ANKFN1: variants seen among roughly 807,000 people sequenced by gnomAD.
ANKFN1 encodes the protein ankyrin repeat and fibronectin type-III domain-containing protein 1.
A neutral mutation model predicts 108.7 loss-of-function variants in ANKFN1; 74 were observed. The ratio of observed to expected loss-of-function variants is 0.68; its 90% CI spans 0.56 to 0.83. The LOEUF is 0.83. ANKFN1 is among the 40% of genes least tolerant of loss of function. ANKFN1 has a pLI of 0.00. For missense variants in ANKFN1, 1,505 were observed against 1,382.3 expected, an observed-to-expected ratio of 1.09 and a Z score of -1.41; for synonymous variants, 547 against 516.2, an observed-to-expected ratio of 1.06 and a Z score of -0.81.
At chr17:56,182,843 G>C (rs984039041) in intron 1 of ANKFN1, among the ~76,000 whole-genome samples, 1 of 152,164 alleles carries the variant, frequency 6.6e-6, no homozygotes, top group Non-Finnish European at 1.5e-5. Context: ...AATGCAGCTG[G>C]TGGTCAATGT....
At chr17:56,351,102 G>T in intron 5 of ANKFN1, 135 bp downstream of exon 5, 1 of 817,542 alleles carries the variant, frequency 1.2e-6, no homozygotes, top group South Asian at 1.8e-5. Context: ...ATAGATTCAG[G>T]TAGGGTAGTA....
rs57790353 is a variant in ANKFN1, at chr17:56,089,815, G to A, written c.288+43490G>A. On this transcript the variant is annotated intron_variant, in intron 4 of 12. Transcript: ENST00000635860. ...ACTGCAGCTTTGCTATTTACCAGCC[G>A]GGTCATCTCCAGCAGCAGCTCCCTG... Among the ~76,000 whole-genome samples, 2,129 of 151,282 alleles carry A rather than the reference G, an allele frequency of 0.014. 263 individuals carry two copies. The East Asian group carries it at 0.3, about 21-fold the overall frequency.
chr17:56,092,266 A>AC (rs1905433179), intron 4 of ANKFN1, among the ~76,000 whole-genome samples: 1 of 111,380 alleles, frequency 9.0e-6, no homozygotes, highest in Non-Finnish European at 1.8e-5. Context: ...GTGAGGTAGT[A>AC]TTTTTTTTTT....
intron 4 of ANKFN1, among the ~76,000 whole-genome samples, chr17:56,329,289 C>A (rs529102201): frequency 4.6e-5 from 7 of 152,204 alleles, no homozygotes; most frequent in African/African-American, 1.7e-4. Context: ...TTCATGGGGG[C>A]CCTCACTGGT....
At chr17:56,413,845 A>G (rs1261428128) in intron 8 of ANKFN1, among the ~76,000 whole-genome samples, 1 of 151,494 alleles carries the variant, frequency 6.6e-6, no homozygotes, top group Non-Finnish European at 1.5e-5. Context: ...TCAGCCTCCC[A>G]AGTAGCTGGG....
intron 3 of ANKFN1, among the ~76,000 whole-genome samples, chr17:56,264,814 A>G (rs1307376336): frequency 6.6e-6 from 1 of 152,130 alleles, no homozygotes; most frequent in Non-Finnish European, 1.5e-5. Context: ...ATTCCTTTCC[A>G]TGATTCGTAG....
chr17:56,326,352 A>C lies in ANKFN1; in HGVS notation c.185A>C (p.Asn62Thr). ...TCSSAASNSI[N>T]WNCRVKMTQQ... Reference sequence around the variant, plus strand: ...TCCTCTGCTGCCTCGAACAGCATAAACTGGTAAGTCAAATTTACTGTTGTC... The same window carrying C: ...TCCTCTGCTGCCTCGAACAGCATAACCTGGTAAGTCAAATTTACTGTTGTC... The change falls in exon 4 of 21, where the codon AAC becomes ACC. Residue 62 changes from asparagine (N) to threonine (T), a missense_variant. Coordinates refer to ENST00000682825, the MANE Select transcript of ANKFN1 (RefSeq NM_001370326.1). 6.2e-7 allele frequency: 1 copy of C among 1,607,646 alleles called. No individual in the cohort carries two copies. Among genetic ancestry groups the C allele is most frequent in the Non-Finnish European group, 8.5e-7 (1 of 1,178,156 alleles).
chr17:56,197,767 C>A (rs933097386), intron 1 of ANKFN1, among the ~76,000 whole-genome samples: 1 of 152,176 alleles, frequency 6.6e-6, no homozygotes, highest in Non-Finnish European at 1.5e-5. Context: ...TAATTTACAT[C>A]CAAAGATCAG....
At chr17:56,509,463 C>A (rs945718398) in intron 20 of ANKFN1, among the ~76,000 whole-genome samples, 1 of 152,182 alleles carries the variant, frequency 6.6e-6, no homozygotes, top group African/African-American at 2.4e-5. Flanking sequence ...TAAGCCAGGT[C>A]CCTTTATGTA....
At chr17:56,469,181 C>G (rs2050230588) in intron 15 of ANKFN1, among the ~76,000 whole-genome samples, 1 of 152,002 alleles carries the variant, frequency 6.6e-6, no homozygotes, top group South Asian at 2.1e-4. Context: ...AAAATTTACC[C>G]CCGCTGACTG....
At chr17:56,288,501 T>C in intron 3 of ANKFN1, among the ~76,000 whole-genome samples, 1 of 152,142 alleles carries the variant, frequency 6.6e-6, no homozygotes, top group Non-Finnish European at 1.5e-5. Flanking sequence ...TATTTGTAAC[T>C]TAATTATTCT....
At chr17:56,332,979 G>GTGTATATATATATATATATATATATATA (rs570574404) in intron 4 of ANKFN1, among the ~76,000 whole-genome samples, 2 of 147,742 alleles carry the variant, frequency 1.4e-5, no homozygotes, top group African/African-American at 5.1e-5. Flanking sequence ...ATATATGTGT[G>GTGTATATATATATATATATATATATATA]TATATATATA....
rs1216232623 is a variant in ANKFN1 at position 56,510,609 on chromosome 17, G to A, written c.2781G>A (p.Gln927=). 1 of 1,536,078 alleles carries A rather than the reference G, an allele frequency of 6.5e-7. No homozygotes were observed. Among genetic ancestry groups the A allele is most frequent in the Non-Finnish European group, 8.7e-7 (1 of 1,146,930 alleles). The change falls in exon 21 of 21, where the codon CAG becomes CAA. Residue 927 remains glutamine (Q), a synonymous_variant. Coordinates refer to ENST00000682825, the MANE Select transcript of ANKFN1 (RefSeq NM_001370326.1). ...TATCATCTCACGACATTGCGCAGCA[G>A]ACCCTTAGCGGCCTAAGCGGCAGCG... is the stretch of plus-strand genomic sequence containing the variant. ...VYLSSHDIAQ[Q]TLSGLSGSAP... is the part of the protein sequence containing the mutation.
At chr17:56,099,624 T>C (rs1245096430) in intron 4 of ANKFN1, among the ~76,000 whole-genome samples, 1 of 152,148 alleles carries the variant, frequency 6.6e-6, no homozygotes, top group African/African-American at 2.4e-5. Context: ...AAGCCAGAAA[T>C]TTAGACATTG....
At chr17:56,261,602 ACTGT>A (rs991375652) in intron 3 of ANKFN1, among the ~76,000 whole-genome samples, 1 of 151,976 alleles carries the variant, frequency 6.6e-6, no homozygotes, top group African/African-American at 2.4e-5. Flanking sequence ...TCTGTGGTCA[ACTGT>A]CTAAGAGTCC....
At chr17:56,491,108 G>A (rs2051023331) in intron 18 of ANKFN1, among the ~76,000 whole-genome samples, 1 of 152,078 alleles carries the variant, frequency 6.6e-6, no homozygotes, top group African/African-American at 2.4e-5. Context: ...TGGGTCTCAG[G>A]AATCAACATC....
chr17:56,185,176 T>C (rs1279716457), intron 1 of ANKFN1, among the ~76,000 whole-genome samples: 1 of 152,154 alleles, frequency 6.6e-6, no homozygotes, highest in African/African-American at 2.4e-5. Context: ...TGTTATATGG[T>C]ACATATATAC....
At chr17:56,263,255 A>G (rs9906512) in intron 3 of ANKFN1, among the ~76,000 whole-genome samples, 332 of 152,346 alleles carry the variant, frequency 2.2e-3, no homozygotes, top group African/African-American at 7.6e-3. Flanking sequence ...AGAATTCCCT[A>G]TAAAGTGGAC....
chr17:56,065,145 G>C (rs1235115753), intron 4 of ANKFN1, among the ~76,000 whole-genome samples: 5 of 152,184 alleles, frequency 3.3e-5, no homozygotes, highest in African/African-American at 1.2e-4. Context: ...GATTGCTGCT[G>C]TTTCTAGTCG....
Sources: allele counts gnomAD v4.1 joint callset (sites outside exome capture counted in the v4.1 genomes callset), GRCh38; gene constraint gnomAD v4.1.1; transcripts MANE v1.5; gene names NCBI Gene and HGNC (gene_info 2026-07-23, HGNC 2026-07-21).